The following ATAD2B variants were observed in gnomAD, a reference collection of about 807,000 sequenced individuals.
ATAD2B encodes the protein ATPase family AAA domain containing 2B, also known as ATPase family AAA domain-containing protein 2B.
Under a neutral mutation model 167.6 loss-of-function variants are expected in ATAD2B, and 40 were observed. The observed-to-expected ratio is 0.24, with a 90% CI of 0.19 to 0.31. The LOEUF is 0.31. ATAD2B is among the 10% of genes least tolerant of loss of function. The pLI is 1.00. For missense variants in ATAD2B, 1,242 were observed against 1,757.2 expected, an observed-to-expected ratio of 0.71 and a Z score of 5.24; for synonymous variants, 579 against 596.5, an observed-to-expected ratio of 0.97 and a Z score of 0.43.
intron 16 of ATAD2B, among the ~76,000 whole-genome samples, chr2:23,820,697 A>T (rs1436224000): frequency 6.6e-6 from 1 of 152,242 alleles, no homozygotes; most frequent in Non-Finnish European, 1.5e-5. Flanking sequence ...AAATTATGCT[A>T]GCAGATAGAG....
chr2:23,783,309 C>T (rs2551336), intron 21 of ATAD2B, among the ~76,000 whole-genome samples: 148,798 of 149,628 alleles, frequency 0.99, 73,990 homozygotes, highest in East Asian at 1. Flanking sequence ...TTTAATCCTT[C>T]GGGCATATCC....
At chr2:23,811,670 A>G (rs961466164) in intron 17 of ATAD2B, among the ~76,000 whole-genome samples, 1 of 152,170 alleles carries the variant, frequency 6.6e-6, no homozygotes, top group Non-Finnish European at 1.5e-5. Flanking sequence ...TAGGTGCTAC[A>G]AACCACCATG....
chr2:23,866,235 G>A (rs1045256356), intron 10 of ATAD2B, among the ~76,000 whole-genome samples: 1 of 152,026 alleles, frequency 6.6e-6, no homozygotes, highest in East Asian at 1.9e-4. Flanking sequence ...GAAAAATCCC[G>A]TCTACTAAAA....
rs532381403 is a variant in ATAD2B at position 23,917,787 on chromosome 2, G to A, written c.216+8768C>T. ...GAAAAATAAAAATATAGCCAGGCGC[G>A]GTGGCTCACGCCTATAATCCCAGCA... On this transcript the variant is annotated intron_variant, in intron 1 of 27. Transcript: ENST00000238789. 3.3e-4 allele frequency among the ~76,000 whole-genome samples: 50 copies of A among 152,066 alleles called. No homozygotes were observed. In the South Asian group the frequency reaches 8.7e-3, roughly 27 times the overall value.
intron 8 of ATAD2B, among the ~76,000 whole-genome samples, chr2:23,875,175 G>A (rs1696640775): frequency 1.3e-5 from 2 of 151,978 alleles, no homozygotes; most frequent in African/African-American, 4.8e-5. Flanking sequence ...CCAAAGAGCT[G>A]TGTAGCTTTA....
intron 8 of ATAD2B, among the ~76,000 whole-genome samples, chr2:23,873,861 C>T (rs961233471): frequency 1.3e-5 from 2 of 152,192 alleles, no homozygotes; most frequent in Non-Finnish European, 2.9e-5. Context: ...TAGTGGTATA[C>T]ATAATTTCCC....
chr2:23,805,225 A>G (rs1572830654), intron 18 of ATAD2B, among the ~76,000 whole-genome samples: 1 of 152,202 alleles, frequency 6.6e-6, no homozygotes, highest in East Asian at 1.9e-4. Context: ...GATACAGTCA[A>G]ATAAAAACTT....
At chr2:23,879,467 A>G (rs1299755791) in intron 7 of ATAD2B, among the ~76,000 whole-genome samples, 2 of 152,100 alleles carry the variant, frequency 1.3e-5, no homozygotes, top group Non-Finnish European at 2.9e-5. Context: ...TTAGCTAGGC[A>G]TGGTGGTTGT....
At chr2:23,858,056 T>C (rs1693713156) in intron 12 of ATAD2B, among the ~76,000 whole-genome samples, 1 of 151,708 alleles carries the variant, frequency 6.6e-6, no homozygotes, top group Admixed American at 6.6e-5. Flanking sequence ...AAAGAGTATT[T>C]TTTAAACACG....
the ATAD2B span, chr2:23,703,116 C>A: frequency 8.5e-7 from 1 of 1,171,828 alleles, no homozygotes; most frequent in Non-Finnish European, 1.1e-6. Context: ...CAGTTTGCTG[C>A]CCTTGCTTGT....
chr2:23,743,597 G>A, the ATAD2B span, among the ~76,000 whole-genome samples: 1 of 151,012 alleles, frequency 6.6e-6, no homozygotes, highest in African/African-American at 2.4e-5. Flanking sequence ...GAGTTGGATT[G>A]CTGGGGATGA....
intron 13 of ATAD2B, among the ~76,000 whole-genome samples, chr2:23,850,678 G>A (rs1432004825): frequency 6.6e-6 from 1 of 152,074 alleles, no homozygotes; most frequent in African/African-American, 2.4e-5. Flanking sequence ...AAGAGAAGGG[G>A]GGATGAATGA....
chr2:23,796,353 G>C (rs981348399), intron 19 of ATAD2B, among the ~76,000 whole-genome samples: 9 of 152,170 alleles, frequency 5.9e-5, no homozygotes, highest in Non-Finnish European at 1.3e-4. Flanking sequence ...TAGTCAGTGG[G>C]CTTTCTGAAT....
At chr2:23,893,732 T>G in intron 2 of ATAD2B, among the ~76,000 whole-genome samples, 1 of 148,760 alleles carries the variant, frequency 6.7e-6, no homozygotes, top group Non-Finnish European at 1.5e-5. Flanking sequence ...TGCGATGGCG[T>G]GATCACAGCT....
At chr2:23,842,644 G>C (rs1224968677) in intron 13 of ATAD2B, among the ~76,000 whole-genome samples, 1 of 152,116 alleles carries the variant, frequency 6.6e-6, no homozygotes, top group Non-Finnish European at 1.5e-5. Flanking sequence ...TAAGAGTCTA[G>C]AAAAGAGAAG....
intron 11 of ATAD2B, 107 bp downstream of exon 11, chr2:23,864,702 A>T (rs1694892986): frequency 1.9e-6 from 1 of 526,862 alleles, no homozygotes; most frequent in Non-Finnish European, 3.2e-6. Context: ...TTGCTAGGAC[A>T]CGTCAAATAA....
the ATAD2B span, among the ~76,000 whole-genome samples, chr2:23,710,099 A>C: frequency 2.0e-5 from 3 of 152,240 alleles, no homozygotes; most frequent in Non-Finnish European, 4.4e-5. Context: ...AAAATGGTTC[A>C]CATTATGCAT....
intron 23 of ATAD2B, among the ~76,000 whole-genome samples, chr2:23,763,761 T>C (rs149443426): frequency 4.8e-4 from 73 of 152,252 alleles, no homozygotes; most frequent in African/African-American, 1.7e-3. Flanking sequence ...AGCTAATATT[T>C]CTCACTTTTT....
At chr2:23,741,861 AAAAC>A in the ATAD2B span, among the ~76,000 whole-genome samples, 29 of 152,224 alleles carry the variant, frequency 1.9e-4, no homozygotes, top group East Asian at 2.7e-3. Context: ...TTACAAGAAA[AAAAC>A]AAACAACCTC....
Sources: allele counts gnomAD v4.1 joint callset (sites outside exome capture counted in the v4.1 genomes callset), GRCh38; gene constraint gnomAD v4.1.1; transcripts MANE v1.5; gene names NCBI Gene and HGNC (gene_info 2026-07-23, HGNC 2026-07-21).